The following HMGN5 variants were observed in gnomAD, a reference collection of about 807,000 sequenced individuals.
HMGN5 encodes high mobility group nucleosome-binding domain-containing protein 5.
Under a neutral mutation model 9.5 loss-of-function variants are expected in HMGN5, and 4 were observed. That is an observed-to-expected ratio of 0.42 (90% CI 0.21 to 0.96). HMGN5 has a LOEUF of 0.96. HMGN5 is among the 40% of genes least tolerant of loss of function. The pLI, the probability that HMGN5 is intolerant of heterozygous loss-of-function variation, is 0.30. For synonymous variants in HMGN5, 55 were observed against 57.1 expected, an observed-to-expected ratio of 0.96 and a Z score of 0.16; for missense variants, 192 against 187.5, an observed-to-expected ratio of 1.02 and a Z score of -0.14.
chrX:81,138,353 C>T (rs1016948398), intron 1 of HMGN5, among the ~76,000 whole-genome samples: 2 of 110,944 alleles, frequency 1.8e-5, no homozygotes, highest in Admixed American at 9.6e-5. Context: ...TTTGTGGGTA[C>T]ATAGTAGGTG....
chrX:81,153,583 C>A (rs868262356), intron 1 of HMGN5, among the ~76,000 whole-genome samples: 19 of 6,123 alleles, frequency 3.1e-3, no homozygotes, highest in Non-Finnish European at 4.4e-3. Flanking sequence ...CTCTCTCTCT[C>A]TATATATATA....
At chrX:81,155,118 CATAT>C (rs981089415) in intron 1 of HMGN5, among the ~76,000 whole-genome samples, 11 of 90,078 alleles carry the variant, frequency 1.2e-4, no homozygotes, top group Middle Eastern at 5.6e-3. Context: ...CACACATACA[CATAT>C]ATATATATAT....
intron 1 of HMGN5, among the ~76,000 whole-genome samples, chrX:81,168,532 C>T (rs773492264): frequency 9.0e-6 from 1 of 111,449 alleles, no homozygotes; most frequent in Admixed American, 9.5e-5. Flanking sequence ...AGAAACTACA[C>T]CTGGAAATTC....
intron 1 of HMGN5, among the ~76,000 whole-genome samples, chrX:81,187,964 T>TA (rs1185331538): frequency 3.6e-5 from 4 of 111,662 alleles, no homozygotes; most frequent in African/African-American, 9.8e-5. Context: ...ACTGTTTGAA[T>TA]AAAAAACCTA....
intron 1 of HMGN5, among the ~76,000 whole-genome samples, chrX:81,136,679 A>C (rs2075311877): frequency 8.9e-6 from 1 of 111,760 alleles, no homozygotes; most frequent in Non-Finnish European, 1.9e-5. Flanking sequence ...CAAATAATAA[A>C]ATGGCAGACT....
At chrX:81,181,022 G>A (rs2075461325) in intron 1 of HMGN5, among the ~76,000 whole-genome samples, 1 of 110,336 alleles carries the variant, frequency 9.1e-6, no homozygotes, top group Non-Finnish European at 1.9e-5. Flanking sequence ...ACACAGGGCG[G>A]GGAACATCAC....
At position 81,155,678 on chromosome X, in the gene HMGN5, T is replaced by A. The variant is rs778903586; in HGVS notation, c.-123-34006A>T. 6.1e-4 allele frequency among the ~76,000 whole-genome samples: 68 copies of A among 111,832 alleles called. 1 individual carries two copies. Among genetic ancestry groups the A allele is most frequent in the South Asian group, 2.6e-3 (7 of 2,740 alleles). On this transcript the variant is annotated intron_variant, in intron 1 of 6. Coordinates refer to ENST00000358130, the MANE Select transcript of HMGN5 (RefSeq NM_030763.3). ...CCCAAATGATCACATATTCTGTGAA[T>A]CCTTTTTAAAACATTCTTTAAATAA...
Position 81,173,585 on chromosome X carries a change from T to C in HMGN5, c.-124+28152A>G, listed in dbSNP as rs2075432861. Among the ~76,000 whole-genome samples the C allele has an allele frequency of 2.7e-5, 3 of 112,183 alleles. No individual in the cohort carries two copies. The Admixed American group carries it at 2.8e-4, about 11-fold the overall frequency. On this transcript the variant is annotated intron_variant, in intron 1 of 6. Coordinates refer to ENST00000358130, the MANE Select transcript of HMGN5 (RefSeq NM_030763.3). Reference sequence around the variant, plus strand: ...CTCCTCAGCAAATCTTTTCCATTTCTCTCAAGAAGATTTAATATTTCTTTT... The same window carrying C: ...CTCCTCAGCAAATCTTTTCCATTTCCCTCAAGAAGATTTAATATTTCTTTT...
chrX:81,130,494 C>T lies in HMGN5; in HGVS notation c.-123-8822G>A, dbSNP rs958276608. Among the ~76,000 whole-genome samples, 98 of 111,457 alleles carry T rather than the reference C, an allele frequency of 8.8e-4. 1 individual carries two copies. In the Admixed American group the frequency reaches 9.1e-3, roughly 10 times the overall value. On this transcript the variant is annotated intron_variant, in intron 1 of 6. Transcript: ENST00000358130. ...CTTAATTAAACTTCAGTTCTTTCAA[C>T]CTTTATTTCTTTTCAGTAATTCTGC...
At chrX:81,142,899 A>T (rs980132371) in intron 1 of HMGN5, among the ~76,000 whole-genome samples, 2 of 112,087 alleles carry the variant, frequency 1.8e-5, no homozygotes, top group African/African-American at 3.2e-5. Flanking sequence ...AATCAATAAA[A>T]AATAATGACT....
At chrX:81,160,780 A>T (rs969599236) in intron 1 of HMGN5, among the ~76,000 whole-genome samples, 1 of 110,863 alleles carries the variant, frequency 9.0e-6, no homozygotes, top group African/African-American at 3.3e-5. Flanking sequence ...ATTGTTGGGC[A>T]TTTGGGTTGG....
chrX:81,169,420 A>T (rs1364844369), intron 1 of HMGN5, among the ~76,000 whole-genome samples: 1 of 112,013 alleles, frequency 8.9e-6, no homozygotes, highest in Non-Finnish European at 1.9e-5. Flanking sequence ...CATATCCTCA[A>T]CCACTGTTCC....
chrX:81,121,707 A>C, intron 1 of HMGN5, 35 bp from the exon 2 acceptor site: 1 of 394,403 alleles, frequency 2.5e-6, no homozygotes, highest in South Asian at 5.6e-5. Flanking sequence ...TATTGGCAAC[A>C]TTAAACACGC....
At chrX:81,155,271 A>G (rs1602570075) in intron 1 of HMGN5, among the ~76,000 whole-genome samples, 1 of 104,773 alleles carries the variant, frequency 9.5e-6, no homozygotes, top group Admixed American at 1.1e-4. Context: ...ATTATAATTT[A>G]TATAATTATA....
At chrX:81,177,743 C>T (rs2075447592) in intron 1 of HMGN5, among the ~76,000 whole-genome samples, 1 of 111,478 alleles carries the variant, frequency 9.0e-6, no homozygotes, top group Non-Finnish European at 1.9e-5. Flanking sequence ...CTCTCCACCC[C>T]AAATCAACAT....
intron 1 of HMGN5, chrX:81,197,608 A>C (rs916986788): frequency 9.0e-6 from 1 of 110,930 alleles, no homozygotes. Flanking sequence ...TTACAACTCC[A>C]AAGAGCTCAG....
rs1464676688 is a variant in HMGN5, at chrX:81,115,061, T to C, written c.437A>G (p.Lys146Arg). 4.3e-6 allele frequency: 5 copies of C among 1,156,128 alleles called. No individual in the cohort carries two copies. Among genetic ancestry groups the C allele is most frequent in the Admixed American group, 2.7e-5 (1 of 37,366 alleles). Residue 146 changes from lysine to arginine, a missense_variant, in exon 7 of 7, where the codon AAA becomes AGA. Coordinates refer to ENST00000358130, the MANE Select transcript of HMGN5 (RefSeq NM_030763.3). ...DQNEEKGEAG[K>R]EDKDEKGEED... ...TTCCCCTTTTTCATCTTTGTCTTCT[T>C]TTCCAGCTTCCCCTTTCTCTTCGTT...
At chrX:81,201,422 A>G (rs1400775948) in intron 1 of HMGN5, among the ~76,000 whole-genome samples, 2 of 111,535 alleles carry the variant, frequency 1.8e-5, no homozygotes, top group Non-Finnish European at 3.8e-5. Context: ...CAAAACAAAA[A>G]TCATCCATCT....
chrX:81,146,615 A>G (rs1433690171), intron 1 of HMGN5, among the ~76,000 whole-genome samples: 1 of 111,941 alleles, frequency 8.9e-6, no homozygotes, highest in African/African-American at 3.2e-5. Context: ...AACACATTCA[A>G]AAGCTAGCAG....
Sources: allele counts gnomAD v4.1 joint callset (sites outside exome capture counted in the v4.1 genomes callset), GRCh38; gene constraint gnomAD v4.1.1; transcripts MANE v1.5; gene names NCBI Gene and HGNC (gene_info 2026-07-23, HGNC 2026-07-21).